FAM117A: variants seen among roughly 807,000 people sequenced by gnomAD.
The protein encoded by FAM117A is family with sequence similarity 117 member A, also known as protein FAM117A.
A neutral mutation model predicts 44.1 loss-of-function variants in FAM117A; 21 were observed. That is an observed-to-expected ratio of 0.48 (90% CI 0.34 to 0.69). The LOEUF is 0.69. Ranked by LOEUF, FAM117A falls within the 30% of genes least tolerant of loss-of-function variation. The probability of loss-of-function intolerance (pLI) is 0.01; values close to 1 mark genes in which losing one functional copy is unlikely to be tolerated. For synonymous variants in FAM117A, 220 were observed against 238.3 expected, an observed-to-expected ratio of 0.92 and a Z score of 0.71; for missense variants, 498 against 589.9, an observed-to-expected ratio of 0.84 and a Z score of 1.61.
At chr17:49,768,279 C>T (rs1414473458), upstream of FAM117A, among the ~76,000 whole-genome samples, 1 of 152,146 alleles carries the variant, frequency 6.6e-6, no homozygotes, top group Non-Finnish European at 1.5e-5. Context: ...TGAAGGACCT[C>T]GCTGGGCCTA....
intron 1 of FAM117A, among the ~76,000 whole-genome samples, chr17:49,756,409 T>C (rs2073698729): frequency 6.6e-6 from 1 of 152,014 alleles, no homozygotes; most frequent in African/African-American, 2.4e-5. Flanking sequence ...AATAAGAGAC[T>C]CAAGTGGCAG....
chr17:49,786,835 A>T (rs2073811169), intron 1 of FAM117A, among the ~76,000 whole-genome samples: 1 of 151,708 alleles, frequency 6.6e-6, no homozygotes, highest in Non-Finnish European at 1.5e-5. Context: ...TCACACCTTA[A>T]TCCCAGCACT....
intron 1 of FAM117A, among the ~76,000 whole-genome samples, chr17:49,754,309 T>C (rs939208810): frequency 1.4e-5 from 2 of 143,590 alleles, no homozygotes; most frequent in African/African-American, 5.1e-5. Context: ...CAGCAAACTC[T>C]TTTTTTTTTT....
chr17:49,772,745 C>T (rs913586189), intron 1 of FAM117A, among the ~76,000 whole-genome samples: 7 of 150,760 alleles, frequency 4.6e-5, no homozygotes, highest in Non-Finnish European at 1.0e-4. Context: ...CAGTGAGACT[C>T]TGTCAAAAAA....
At chr17:49,728,409 CT>C (rs377735178) in intron 2 of FAM117A, among the ~76,000 whole-genome samples, 426 of 140,090 alleles carry the variant, frequency 3.0e-3, no homozygotes, top group Non-Finnish European at 4.4e-3. Flanking sequence ...AAGACTTAAG[CT>C]TTTTTTTTTT....
At chr17:49,748,589 G>T (rs147477954) in intron 1 of FAM117A, among the ~76,000 whole-genome samples, 48 of 152,194 alleles carry the variant, frequency 3.2e-4, no homozygotes, top group Middle Eastern at 3.4e-3. Context: ...AGTGCTCATG[G>T]ATCTATTTCA....
At chr17:49,723,736 C>CT (rs1184654128) in intron 2 of FAM117A, among the ~76,000 whole-genome samples, 3 of 152,064 alleles carry the variant, frequency 2.0e-5, no homozygotes, top group Non-Finnish European at 4.4e-5. Context: ...TCTGAGCAAG[C>CT]TTGTGAGAGC....
intron 1 of FAM117A, among the ~76,000 whole-genome samples, chr17:49,746,171 A>C (rs1354449860): frequency 1.3e-5 from 2 of 152,260 alleles, no homozygotes; most frequent in Non-Finnish European, 2.9e-5. Flanking sequence ...ACACATATAC[A>C]TAAACAGAAG....
intron 1 of FAM117A, among the ~76,000 whole-genome samples, chr17:49,759,005 C>A (rs986094673): frequency 6.6e-6 from 1 of 152,220 alleles, no homozygotes; most frequent in African/African-American, 2.4e-5. Context: ...AGCCCACCAA[C>A]CACTGTGGTA....
intron 1 of FAM117A, among the ~76,000 whole-genome samples, chr17:49,769,557 G>A (rs1013871661): frequency 2.0e-5 from 3 of 151,534 alleles, no homozygotes; most frequent in African/African-American, 2.4e-5. Context: ...AAAATTAGCC[G>A]GGCATGGTGG....
At chr17:49,715,550 G>A (rs1335642988) in intron 7 of FAM117A, among the ~76,000 whole-genome samples, 1 of 152,198 alleles carries the variant, frequency 6.6e-6, no homozygotes, top group Non-Finnish European at 1.5e-5. Flanking sequence ...GGAGGAAAGT[G>A]TAAAGAATCA....
chr17:49,741,151 A>G (rs1468663334), intron 1 of FAM117A, among the ~76,000 whole-genome samples: 1 of 151,736 alleles, frequency 6.6e-6, no homozygotes, highest in African/African-American at 2.4e-5. Context: ...GAGGCAGCCA[A>G]CGAGATCTTA....
intron 1 of FAM117A, among the ~76,000 whole-genome samples, chr17:49,782,701 A>AC (rs34349423): frequency 0.47 from 68,882 of 147,630 alleles, 18,902 homozygotes; most frequent in Middle Eastern, 0.7. Flanking sequence ...AAAAAAAAAA[A>AC]AAAAAAAAAA....
At chr17:49,788,910 G>T (rs1055749080), upstream of FAM117A, 4 of 1,470,306 alleles carry the variant, frequency 2.7e-6, no homozygotes, top group Admixed American at 8.7e-5. Flanking sequence ...GCACCGTGAC[G>T]CAGTTGGCCA....
At chr17:49,736,415 C>T (rs2073611065) in intron 1 of FAM117A, among the ~76,000 whole-genome samples, 1 of 152,136 alleles carries the variant, frequency 6.6e-6, no homozygotes, top group African/African-American at 2.4e-5. Flanking sequence ...CACCACCATG[C>T]CCGGCTAATT....
chr17:49,745,332 A>G (rs1330785587), intron 1 of FAM117A, among the ~76,000 whole-genome samples: 1 of 152,124 alleles, frequency 6.6e-6, no homozygotes, highest in Non-Finnish European at 1.5e-5. Context: ...GCTTTATGCA[A>G]CTCCCAGAGT....
chr17:49,719,619 C>A (rs942215633), intron 5 of FAM117A, 141 bp downstream of exon 5: 3 of 1,051,616 alleles, frequency 2.9e-6, no homozygotes, highest in African/African-American at 3.3e-5. Context: ...ATTTGCATTC[C>A]TTTTGCAGGC....
rs527911006 is a variant in FAM117A at position 49,710,388 on chromosome 17, A to C, written c.*867T>G. On this transcript the variant is annotated 3_prime_UTR_variant, in exon 8 of 8. Coordinates refer to ENST00000240364, the MANE Select transcript of FAM117A (RefSeq NM_030802.4). ...ATTAACACCAAGATCTGCAAAAAAC[A>C]ACCTCTAAACACAAGATAAGAAAAC... 1.3e-5 allele frequency: 2 copies of C among 152,692 alleles called. No homozygotes were observed. Among genetic ancestry groups the C allele is most frequent in the Non-Finnish European group, 2.9e-5 (2 of 68,050 alleles). 9.5% of individuals were successfully genotyped at this position (152,692 alleles called of 1,614,324 possible).
Position 49,781,483 on chromosome 17 carries a change from A to G in FAM117A, c.-621+7014T>C, listed in dbSNP as rs568253478. On this transcript the variant is annotated intron_variant, in intron 1 of 7. Coordinates refer to the FAM117A transcript ENST00000513602. Reference sequence around the variant, plus strand: ...GAAAGAAGCAATATATAAGTGGCAGAAATAAAAACAGGAGAGAGCTATGGA... The same window carrying G: ...GAAAGAAGCAATATATAAGTGGCAGGAATAAAAACAGGAGAGAGCTATGGA... Among the ~76,000 whole-genome samples, 410 of 152,376 alleles carry G rather than the reference A, an allele frequency of 2.7e-3. 3 individuals are homozygous for G. Among genetic ancestry groups the G allele is most frequent in the Non-Finnish European group, 4.8e-3 (328 of 68,042 alleles).
Sources: allele counts gnomAD v4.1 joint callset (sites outside exome capture counted in the v4.1 genomes callset), GRCh38; gene constraint gnomAD v4.1.1; transcripts MANE v1.5; gene names NCBI Gene and HGNC (gene_info 2026-07-23, HGNC 2026-07-21).